The following XIRP2 variants were observed in gnomAD, a reference collection of about 807,000 sequenced individuals.
The protein encoded by XIRP2 is xin actin binding repeat containing 2.
A neutral mutation model predicts 277.0 loss-of-function variants in XIRP2; 236 were observed. The ratio of observed to expected loss-of-function variants is 0.85; its 90% CI spans 0.77 to 0.95. The LOEUF (loss-of-function observed/expected upper bound fraction) is 0.95, where lower values mean the gene tolerates loss of function less well. XIRP2 is among the 40% of genes least tolerant of loss of function. The probability of loss-of-function intolerance (pLI) is 0.00; values close to 1 mark genes in which losing one functional copy is unlikely to be tolerated. For synonymous variants in XIRP2, 1,490 were observed against 1,416.5 expected (o/e 1.05, Z -1.17); for missense variants, 4,640 against 4,157.5 (o/e 1.12, Z -3.19).
At chr2:167,187,538 G>A in intron 3 of XIRP2, 3 of 985,004 alleles carry the variant, frequency 3.0e-6, no homozygotes, top group Non-Finnish European at 3.6e-6. Flanking sequence ...AAAGGTAAGT[G>A]TAATATAGTC....
At chr2:167,164,445 C>CAAAAAAAA (rs36066566) in intron 3 of XIRP2, among the ~76,000 whole-genome samples, 3 of 46,634 alleles carry the variant, frequency 6.4e-5, no homozygotes, top group African/African-American at 1.6e-4. Flanking sequence ...GACTCCGTCT[C>CAAAAAAAA]AAAAAAAAAA....
chr2:167,090,147 T>C (rs1558976288), intron 2 of XIRP2, among the ~76,000 whole-genome samples: 1 of 152,096 alleles, frequency 6.6e-6, no homozygotes, highest in Admixed American at 6.6e-5. Context: ...GGGGGTCCCT[T>C]AGACTTGAGA....
intron 2 of XIRP2, among the ~76,000 whole-genome samples, chr2:166,910,560 C>G (rs1332750715): frequency 6.6e-6 from 1 of 152,112 alleles, no homozygotes; most frequent in Non-Finnish European, 1.5e-5. Context: ...TTTCAAAAAA[C>G]CAGCTCCTGG....
rs774886286 is a variant in XIRP2, at chr2:167,249,672, T to C, written c.8280T>C (p.Cys2760=). The C allele has an allele frequency of 1.2e-6, 2 of 1,613,382 alleles. No homozygotes were observed. Among genetic ancestry groups the C allele is most frequent in the Non-Finnish European group, 1.7e-6 (2 of 1,179,746 alleles). The change falls in exon 9 of 11, where the codon TGT becomes TGC. Residue 2760 remains cysteine (C), a synonymous_variant. Transcript: ENST00000409195. ...KTKKTEASTE[C]SHKQSLAERH... ...AGAAAACTGAAGCAAGCACTGAATGTAGTCATAAGCAATCTCTGGCTGAAA... is the reference window on the plus strand; with the variant it reads ...AGAAAACTGAAGCAAGCACTGAATGCAGTCATAAGCAATCTCTGGCTGAAA...
intron 2 of XIRP2, among the ~76,000 whole-genome samples, chr2:167,127,887 GT>G (rs1334245105): frequency 6.6e-6 from 1 of 152,234 alleles, no homozygotes; most frequent in African/African-American, 2.4e-5. Context: ...GTATATGCTT[GT>G]TGGGGTCCCC....
intron 3 of XIRP2, among the ~76,000 whole-genome samples, chr2:167,170,676 A>G (rs1387322787): frequency 6.6e-6 from 1 of 152,016 alleles, no homozygotes; most frequent in African/African-American, 2.4e-5. Flanking sequence ...CCTACTACTG[A>G]TAATTTCTAT....
At chr2:167,152,247 A>G (rs1692038905) in intron 3 of XIRP2, among the ~76,000 whole-genome samples, 1 of 152,070 alleles carries the variant, frequency 6.6e-6, no homozygotes, top group South Asian at 2.1e-4. Context: ...CTTGAGATGT[A>G]TCCGCCCCAT....
At position 166,953,409 on chromosome 2, in the gene XIRP2, G is replaced by A. The variant is rs115475404; in HGVS notation, c.408+49519G>A. ...TATAAAAGGAAGTTTCCCTGCACAT[G>A]CCCTTGCCTGCTGCCATGTAAGTCA... is the stretch of plus-strand genomic sequence containing the variant. On this transcript the variant is annotated intron_variant, in intron 2 of 10. Transcript: ENST00000409195. Among the ~76,000 whole-genome samples the A allele has an allele frequency of 7.9e-3, 1,202 of 152,028 alleles. 21 individuals carry two copies. Among genetic ancestry groups the A allele is most frequent in the African/African-American group, 0.027 (1,141 of 41,520 alleles).
At chr2:166,901,629 G>A (rs540468971) in intron 1 of XIRP2, among the ~76,000 whole-genome samples, 18 of 152,086 alleles carry the variant, frequency 1.2e-4, no homozygotes, top group Admixed American at 4.6e-4. Context: ...CTGTGACAGC[G>A]TCTCAACCAT....
chr2:167,044,216 T>C (rs145220679), intron 2 of XIRP2, among the ~76,000 whole-genome samples: 144 of 152,186 alleles, frequency 9.5e-4, no homozygotes, highest in African/African-American at 3.4e-3. Flanking sequence ...TTTGATAAAA[T>C]TCAATATCAC....
chr2:167,152,516 C>A (rs1159425913), intron 3 of XIRP2, among the ~76,000 whole-genome samples: 1 of 152,054 alleles, frequency 6.6e-6, no homozygotes, highest in Non-Finnish European at 1.5e-5. Flanking sequence ...GTATGCTTTA[C>A]TCGTTTTAAT....
Position 167,210,322 on chromosome 2 carries a change from G to A in XIRP2, c.563-413G>A, listed in dbSNP as rs188023928. ...ATCCTTGGAAAGTTTTTTAATAGGC[G>A]TGACTCTCATTTTCTTATATAAATT... On this transcript the variant is annotated intron_variant, in intron 3 of 10. Coordinates refer to ENST00000409195, the MANE Select transcript of XIRP2 (RefSeq NM_152381.6). 7.2e-5 allele frequency among the ~76,000 whole-genome samples: 11 copies of A among 152,194 alleles called. No individual in the cohort carries two copies. In the East Asian group the frequency reaches 7.7e-4, roughly 11 times the overall value.
chr2:166,929,721 G>A (rs1210088914), intron 2 of XIRP2, among the ~76,000 whole-genome samples: 1 of 151,714 alleles, frequency 6.6e-6, no homozygotes, highest in East Asian at 1.9e-4. Context: ...TTCTTATGCT[G>A]TTCTTGCTAC....
chr2:167,081,985 G>A (rs1379885520), intron 2 of XIRP2, among the ~76,000 whole-genome samples: 1 of 148,186 alleles, frequency 6.7e-6, no homozygotes, highest in Non-Finnish European at 1.5e-5. Context: ...TAGGGTACAT[G>A]TGCACAGTGT....
intron 5 of XIRP2, among the ~76,000 whole-genome samples, chr2:167,220,154 A>ATCCT (rs1412742233): frequency 2.6e-5 from 4 of 152,092 alleles, no homozygotes; most frequent in African/African-American, 4.8e-5. Flanking sequence ...AATGCAACAA[A>ATCCT]TCCTTCCTTC....
intron 5 of XIRP2, among the ~76,000 whole-genome samples, chr2:167,233,857 C>CAT (rs768751152): frequency 1.0e-3 from 152 of 151,708 alleles, no homozygotes; most frequent in Non-Finnish European, 9.7e-4. Context: ...ATATTATATA[C>CAT]ATATATATCT....
chr2:167,140,745 T>C (rs1428969195), intron 3 of XIRP2: 2 of 152,242 alleles, frequency 1.3e-5, no homozygotes, highest in Non-Finnish European at 2.9e-5. Flanking sequence ...TGATGGCCTT[T>C]GTAAAATAAA....
intron 2 of XIRP2, among the ~76,000 whole-genome samples, chr2:166,934,865 TTA>T (rs912147653): frequency 1.4e-4 from 21 of 149,522 alleles, no homozygotes; most frequent in East Asian, 1.0e-3. Context: ...AAAAAATTTT[TTA>T]AAAAAGAAAA....
At chr2:167,015,299 A>G (rs1459852912) in intron 2 of XIRP2, among the ~76,000 whole-genome samples, 1 of 151,904 alleles carries the variant, frequency 6.6e-6, no homozygotes, top group African/African-American at 2.4e-5. Flanking sequence ...AAAAAATGTC[A>G]TCTTCCCTAC....
Sources: allele counts gnomAD v4.1 joint callset (sites outside exome capture counted in the v4.1 genomes callset), GRCh38; gene constraint gnomAD v4.1.1; transcripts MANE v1.5; gene names NCBI Gene and HGNC (gene_info 2026-07-23, HGNC 2026-07-21).